Variants in ST3GAL3 observed in about 807,000 individuals in gnomAD.
The protein encoded by ST3GAL3 is CMP-N-acetylneuraminate-beta-1,4-galactoside alpha-2,3-sialyltransferase.
Under a neutral mutation model 50.1 loss-of-function variants are expected in ST3GAL3, and 21 were observed. The ratio of observed to expected loss-of-function variants is 0.42; its 90% CI spans 0.30 to 0.60. The LOEUF (loss-of-function observed/expected upper bound fraction) is 0.60, where lower values mean the gene tolerates loss of function less well. Ranked by LOEUF, ST3GAL3 falls within the 20% of genes least tolerant of loss-of-function variation. ST3GAL3 has a pLI of 0.19. For missense variants in ST3GAL3, 353 were observed against 489.4 expected (o/e 0.72, Z 2.63); for synonymous variants, 183 against 190.0 (o/e 0.96, Z 0.30).
chr1:43,846,780 T>C (rs1254273157), intron 5 of ST3GAL3, among the ~76,000 whole-genome samples: 3 of 152,206 alleles, frequency 2.0e-5, no homozygotes, highest in Admixed American at 2.0e-4. Context: ...ATTACAGGCA[T>C]GAGCCACCGT....
chr1:43,885,792 G>A (rs924917116), intron 5 of ST3GAL3, among the ~76,000 whole-genome samples: 2 of 152,320 alleles, frequency 1.3e-5, no homozygotes, highest in East Asian at 3.9e-4. Context: ...CCTCACAGGG[G>A]ATGAACAAAG....
intron 2 of ST3GAL3, among the ~76,000 whole-genome samples, chr1:43,776,290 C>T (rs1224496728): frequency 6.6e-6 from 1 of 152,138 alleles, no homozygotes; most frequent in Non-Finnish European, 1.5e-5. Context: ...CCTGGACATT[C>T]CATATAAATA....
intron 3 of ST3GAL3, among the ~76,000 whole-genome samples, chr1:43,796,625 A>C (rs1323762040): frequency 6.6e-6 from 1 of 152,194 alleles, no homozygotes; most frequent in Non-Finnish European, 1.5e-5. Context: ...TTGTCTGCTA[A>C]AACAAAAATA....
chr1:43,774,449 C>A (rs1243922848), intron 2 of ST3GAL3, among the ~76,000 whole-genome samples: 1 of 152,166 alleles, frequency 6.6e-6, no homozygotes, highest in Non-Finnish European at 1.5e-5. Flanking sequence ...GAGGGAGCTC[C>A]ACTCTCTGGG....
intron 2 of ST3GAL3, among the ~76,000 whole-genome samples, chr1:43,765,153 A>G (rs558863627): frequency 6.6e-6 from 1 of 152,106 alleles, no homozygotes; most frequent in Non-Finnish European, 1.5e-5. Flanking sequence ...GTGCAGTTCT[A>G]TATTGGTGGG....
At chr1:43,862,321 A>C (rs982250081) in intron 5 of ST3GAL3, among the ~76,000 whole-genome samples, 1 of 152,168 alleles carries the variant, frequency 6.6e-6, no homozygotes, top group Non-Finnish European at 1.5e-5. Flanking sequence ...GTGCACCTCT[A>C]TCTGTAACAG....
chr1:43,816,044 A>G (rs1490545385), intron 4 of ST3GAL3, among the ~76,000 whole-genome samples: 1 of 152,192 alleles, frequency 6.6e-6, no homozygotes, highest in Non-Finnish European at 1.5e-5. Context: ...CCGATGCTCA[A>G]TAAATCCTTG....
chr1:43,876,097 C>T (rs528349283), intron 5 of ST3GAL3, among the ~76,000 whole-genome samples: 3 of 151,874 alleles, frequency 2.0e-5, no homozygotes, highest in African/African-American at 4.8e-5. Context: ...CTTCCCAAGT[C>T]GTTGGGATTA....
At chr1:43,923,721 T>C (rs952144813) in intron 11 of ST3GAL3, among the ~76,000 whole-genome samples, 6 of 152,084 alleles carry the variant, frequency 3.9e-5, no homozygotes, top group Non-Finnish European at 7.4e-5. Context: ...GCTCAAGTGA[T>C]CCTCCCACCT....
Position 43,898,215 on chromosome 1 carries a change from C to G in ST3GAL3, c.398-20C>G. ...AAGGTAAGTGACCCTGTAACAGAAA[C>G]CTCTCTCCTCTGTCTGCAGACAATC... is the stretch of plus-strand genomic sequence containing the variant. On this transcript the variant is annotated intron_variant, in intron 6 of 11. Coordinates refer to ENST00000347631, the MANE Select transcript of ST3GAL3 (RefSeq NM_006279.5). The G allele has an allele frequency of 6.2e-7, 1 of 1,613,534 alleles. No individual in the cohort carries two copies. Among genetic ancestry groups the G allele is most frequent in the Non-Finnish European group, 8.5e-7 (1 of 1,179,778 alleles).
chr1:43,869,651 A>T (rs2906460), intron 5 of ST3GAL3, among the ~76,000 whole-genome samples: 1 of 152,028 alleles, frequency 6.6e-6, no homozygotes, highest in Non-Finnish European at 1.5e-5. Flanking sequence ...TGCCAAGCTC[A>T]CTCCCTTCCC....
chr1:43,865,705 C>G (rs947673679), intron 5 of ST3GAL3, among the ~76,000 whole-genome samples: 4 of 152,112 alleles, frequency 2.6e-5, no homozygotes, highest in African/African-American at 9.7e-5. Context: ...GGCTTTTTTC[C>G]TAAGGTAGAT....
At chr1:43,839,647 T>A (rs1274898193) in intron 5 of ST3GAL3, 6 of 152,234 alleles carry the variant, frequency 3.9e-5, no homozygotes, top group Non-Finnish European at 8.8e-5. Context: ...ATTAGGCCGT[T>A]CTTGCATGTC....
intron 9 of ST3GAL3, among the ~76,000 whole-genome samples, chr1:43,915,730 A>G (rs1191861697): frequency 2.0e-5 from 3 of 152,208 alleles, no homozygotes; most frequent in Non-Finnish European, 4.4e-5. Flanking sequence ...TGAGACTGAA[A>G]TGAGAGACAG....
intron 3 of ST3GAL3, among the ~76,000 whole-genome samples, chr1:43,793,633 G>A (rs531261384): frequency 2.0e-5 from 3 of 152,184 alleles, no homozygotes; most frequent in Non-Finnish European, 4.4e-5. Context: ...CCAAAATGCT[G>A]AGGCTATGAG....
intron 4 of ST3GAL3, among the ~76,000 whole-genome samples, chr1:43,834,577 A>G (rs246773): frequency 0.91 from 137,974 of 152,198 alleles, 62,762 homozygotes; most frequent in African/African-American, 0.97. Flanking sequence ...TTCGTTGACC[A>G]CAGCCTCACA....
At chr1:43,708,385 A>G (rs1427020390) in intron 1 of ST3GAL3, among the ~76,000 whole-genome samples, 1 of 152,178 alleles carries the variant, frequency 6.6e-6, no homozygotes, top group Non-Finnish European at 1.5e-5. Context: ...GAATGTAATT[A>G]ATTGAGGGAA....
At chr1:43,772,635 G>A (rs1213394924) in intron 2 of ST3GAL3, 3 of 151,650 alleles carry the variant, frequency 2.0e-5, no homozygotes, top group Non-Finnish European at 4.4e-5. Context: ...CGATCCCATG[G>A]CCCCAGTGTC....
chr1:43,747,587 G>A (rs1453977518), intron 2 of ST3GAL3, among the ~76,000 whole-genome samples: 1 of 118,156 alleles, frequency 8.5e-6, no homozygotes, highest in East Asian at 2.6e-4. Flanking sequence ...TTTTTTTTGA[G>A]ATGGAGTCTC....
Sources: gnomAD v4.1 joint callset for allele counts (sites outside exome capture counted in the v4.1 genomes callset) on GRCh38, gnomAD v4.1.1 for gene constraint, MANE v1.5 for transcripts, NCBI Gene and HGNC (gene_info 2026-07-23, HGNC 2026-07-21) for gene names.